Variants in TTC12 observed in about 807,000 individuals in gnomAD.
The protein encoded by TTC12 is tetratricopeptide repeat protein 12.
Under a neutral mutation model 90.1 loss-of-function variants are expected in TTC12, and 70 were observed. The ratio of observed to expected loss-of-function variants is 0.78; its 90% CI spans 0.64 to 0.95. The LOEUF (loss-of-function observed/expected upper bound fraction) is 0.95. Ranked by LOEUF, TTC12 falls within the 40% of genes least tolerant of loss-of-function variation. The pLI, the probability that TTC12 is intolerant of heterozygous loss-of-function variation, is 0.00. For missense variants in TTC12, 819 were observed against 846.1 expected (o/e 0.97, Z 0.40); for synonymous variants, 296 against 311.5 (o/e 0.95, Z 0.53).
intron 13 of TTC12, 88 bp downstream of exon 13, chr11:113,344,528 T>C (rs1297538294): frequency 3.0e-6 from 4 of 1,336,026 alleles, no homozygotes; most frequent in Non-Finnish European, 4.2e-6. Flanking sequence ...CCTATCTCTG[T>C]TGTGTGACTT....
rs1555147430 is a variant in TTC12, at chr11:113,344,457, A to G, written c.1154+17A>G. 6.2e-7 allele frequency: 1 copy of G among 1,607,118 alleles called. No homozygotes were observed. Among genetic ancestry groups the G allele is most frequent in the Non-Finnish European group, 8.5e-7 (1 of 1,175,252 alleles). ...CCTGACCAGGTAAGCCTCTGCTGGC[A>G]GGATCTTCCTGGGACATCTCATGTC... On this transcript the variant is annotated intron_variant, in intron 13 of 21. Coordinates refer to ENST00000529221, the MANE Select transcript of TTC12 (RefSeq NM_017868.4).
At chr11:113,335,503 C>T (rs1283492405) in intron 8 of TTC12, among the ~76,000 whole-genome samples, 6 of 152,160 alleles carry the variant, frequency 3.9e-5, no homozygotes, top group African/African-American at 1.4e-4. Context: ...TTCACAGAGT[C>T]AGGCAGCCAT....
At chr11:113,340,481 C>G (rs541873445) in intron 10 of TTC12, among the ~76,000 whole-genome samples, 183 bp from the exon 11 acceptor site, 14 of 152,346 alleles carry the variant, frequency 9.2e-5, no homozygotes, top group Non-Finnish European at 2.1e-4. Flanking sequence ...AGGCCTCTGA[C>G]GCTGAGAGGC....
chr11:113,362,581 G>T, intron 19 of TTC12, 79 bp downstream of exon 19: 2 of 1,009,842 alleles, frequency 2.0e-6, no homozygotes, highest in Non-Finnish European at 1.5e-6. Flanking sequence ...ATTAAGGTGG[G>T]CTTTGTTTGG....
intron 2 of TTC12, among the ~76,000 whole-genome samples, chr11:113,318,736 T>A (rs1947110256): frequency 6.6e-6 from 1 of 151,734 alleles, no homozygotes; most frequent in African/African-American, 2.4e-5. Flanking sequence ...GTGTCCTGGG[T>A]GGGAAGTAAG....
intron 9 of TTC12, 129 bp downstream of exon 9, chr11:113,338,963 G>A: frequency 1.2e-6 from 1 of 807,958 alleles, no homozygotes; most frequent in Admixed American, 2.1e-5. Flanking sequence ...CTGCACAGTT[G>A]GGTCCTCTGT....
chr11:113,363,632 G>A (rs1950054026), intron 19 of TTC12, among the ~76,000 whole-genome samples, 196 bp from the exon 20 acceptor site: 1 of 152,182 alleles, frequency 6.6e-6, no homozygotes, highest in African/African-American at 2.4e-5. Context: ...TGTGGGCTGG[G>A]TTAGAGAGGA....
chr11:113,366,654 T>A (rs1366376585), downstream of TTC12, among the ~76,000 whole-genome samples: 1 of 152,266 alleles, frequency 6.6e-6, no homozygotes, highest in Non-Finnish European at 1.5e-5. Flanking sequence ...CCTTTTGCTA[T>A]TTTCTGCTGG....
intron 13 of TTC12, among the ~76,000 whole-genome samples, chr11:113,348,496 A>T (rs1949092545): frequency 6.6e-6 from 1 of 152,160 alleles, no homozygotes; most frequent in Non-Finnish European, 1.5e-5. Context: ...TTATCTGGAC[A>T]ATCACAGTTC....
At chr11:113,348,524 T>C (rs1484402554) in intron 13 of TTC12, among the ~76,000 whole-genome samples, 2 of 152,224 alleles carry the variant, frequency 1.3e-5, no homozygotes, top group African/African-American at 4.8e-5. Context: ...GTTGAATTCC[T>C]GCCTCTTGTA....
intron 16 of TTC12, among the ~76,000 whole-genome samples, chr11:113,354,491 T>C (rs1555151704): frequency 6.6e-6 from 1 of 152,200 alleles, no homozygotes; most frequent in Non-Finnish European, 1.5e-5. Flanking sequence ...GGACTTCTAA[T>C]GCTATGTTGA....
At chr11:113,324,161 T>C in intron 4 of TTC12, 146 bp downstream of exon 4, 5 of 636,484 alleles carry the variant, frequency 7.9e-6, no homozygotes, top group Non-Finnish European at 1.1e-5. Flanking sequence ...ATTCTGTTAC[T>C]AGTGATCAGC....
At chr11:113,335,699 G>A (rs1436492182) in intron 8 of TTC12, among the ~76,000 whole-genome samples, 1 of 152,104 alleles carries the variant, frequency 6.6e-6, no homozygotes, top group Non-Finnish European at 1.5e-5. Context: ...TGTAACTGAG[G>A]TTGTTCACTT....
At chr11:113,355,239 T>C (rs1949560618) in intron 16 of TTC12, among the ~76,000 whole-genome samples, 1 of 152,212 alleles carries the variant, frequency 6.6e-6, no homozygotes, top group Non-Finnish European at 1.5e-5. Context: ...TTCTAGTTTA[T>C]GTGCATAGAG....
At chr11:113,319,841 C>G (rs781959915) in intron 2 of TTC12, among the ~76,000 whole-genome samples, 1 of 152,134 alleles carries the variant, frequency 6.6e-6, no homozygotes, top group Admixed American at 6.5e-5. Context: ...TGATGAGACA[C>G]ATTGCTGGCA....
chr11:113,344,439 A>G lies in TTC12; in HGVS notation c.1153A>G (p.Arg385Gly), dbSNP rs1555147419. 6.2e-7 allele frequency: 1 copy of G among 1,611,088 alleles called. No individual in the cohort carries two copies. Among genetic ancestry groups the G allele is most frequent in the South Asian group, 1.1e-5 (1 of 90,860 alleles). The change falls in exon 13 of 22, where the codon AGA becomes GGA. Residue 385 changes from arginine to glycine, a missense_variant and splice_region_variant. Physicochemically the swap from Arg to Gly is moderately radical, Grantham distance 125. Transcript: ENST00000529221. ...GATCATCAACCACCTTGACCTGACC[A>G]GGTAAGCCTCTGCTGGCAGGATCTT... ...SLIINHLDLTRLLEALVSFLD... is the reference protein window; with the variant it reads ...SLIINHLDLTGLLEALVSFLD...
intron 12 of TTC12, among the ~76,000 whole-genome samples, chr11:113,343,575 G>A (rs923944246): frequency 2.6e-5 from 4 of 152,154 alleles, no homozygotes; most frequent in African/African-American, 7.2e-5. Flanking sequence ...AATCAGTACA[G>A]GAGGGAAGAA....
chr11:113,372,475 C>T (rs1259991912), intron 21 of TTC12, among the ~76,000 whole-genome samples: 7 of 152,168 alleles, frequency 4.6e-5, no homozygotes, highest in African/African-American at 1.4e-4. Context: ...TGTGTGCATA[C>T]GTGCATGCGT....
rs1947518073 is a variant in TTC12, at chr11:113,323,934, A to G, written c.223-60A>G. On this transcript the variant is annotated intron_variant, in intron 3 of 21. Transcript: ENST00000529221. Reference sequence around the variant, plus strand: ...ATTTGCCTTCTTGGTTTATATACATATAAATTAGAGTGGTTTTTGAAATTT... The same window carrying G: ...ATTTGCCTTCTTGGTTTATATACATGTAAATTAGAGTGGTTTTTGAAATTT... 7 of 1,395,386 alleles carry G rather than the reference A, an allele frequency of 5.0e-6. No homozygotes were observed. In the South Asian group the frequency reaches 7.2e-5, roughly 14 times the overall value. 86.4% of individuals were successfully genotyped at this position (1,395,386 alleles called of 1,614,324 possible).
Sources: allele counts gnomAD v4.1 joint callset (sites outside exome capture counted in the v4.1 genomes callset), GRCh38; gene constraint gnomAD v4.1.1; transcripts MANE v1.5; gene names NCBI Gene and HGNC (gene_info 2026-07-23, HGNC 2026-07-21).